Variants in NRG3 observed in about 807,000 individuals in gnomAD.
NRG3 encodes neuregulin 3, also known as pro-neuregulin-3, membrane-bound isoform.
NRG3 carries 31 observed loss-of-function variants against 66.9 expected under a neutral mutation model. The observed-to-expected ratio is 0.46, with a 90% CI of 0.35 to 0.63. NRG3 has a LOEUF of 0.63. NRG3 is among the 20% of genes least tolerant of loss of function. NRG3 has a pLI of 0.00. For synonymous variants in NRG3, 393 were observed against 359.4 expected, an observed-to-expected ratio of 1.09 and a Z score of -1.06; for missense variants, 910 against 878.9, an observed-to-expected ratio of 1.04 and a Z score of -0.45.
rs78558871 is a variant in NRG3 at position 82,313,794 on chromosome 10, G to T, written c.824-44945G>T. ...CCACATCCATTTTATCCTCTCTGGC[G>T]ATTGAAGGCTTGGGGGAAAACAGAA... On this transcript the variant is annotated intron_variant, in intron 1 of 8. Coordinates refer to ENST00000372141, the MANE Select transcript of NRG3 (RefSeq NM_001010848.4). 3.0e-3 allele frequency among the ~76,000 whole-genome samples: 459 copies of T among 152,256 alleles called. 5 individuals carry two copies. Among genetic ancestry groups the T allele is most frequent in the African/African-American group, 0.01 (431 of 41,542 alleles).
At chr10:81,952,252 A>G (rs562377088) in intron 1 of NRG3, among the ~76,000 whole-genome samples, 30 of 152,150 alleles carry the variant, frequency 2.0e-4, no homozygotes, top group Non-Finnish European at 2.8e-4. Flanking sequence ...AATAATAAAG[A>G]GTCATGCCAC....
chr10:82,352,062 A>G (rs2083467812), intron 1 of NRG3, among the ~76,000 whole-genome samples: 1 of 152,166 alleles, frequency 6.6e-6, no homozygotes, highest in Non-Finnish European at 1.5e-5. Flanking sequence ...TATATTGAAA[A>G]TCTCATCTAC....
At chr10:82,281,163 T>G (rs568647496) in intron 1 of NRG3, among the ~76,000 whole-genome samples, 2 of 152,282 alleles carry the variant, frequency 1.3e-5, no homozygotes, top group Admixed American at 1.3e-4. Context: ...GAATAGATCA[T>G]ATGGCTTATT....
chr10:82,025,511 G>T (rs1426656600), intron 1 of NRG3, among the ~76,000 whole-genome samples: 2 of 151,866 alleles, frequency 1.3e-5, no homozygotes, highest in African/African-American at 4.8e-5. Flanking sequence ...ATAGAGAAAT[G>T]CTGGTCAAAG....
At chr10:82,959,246 A>G (rs1034101110) in intron 6 of NRG3, among the ~76,000 whole-genome samples, 171 bp downstream of exon 6, 1 of 152,314 alleles carries the variant, frequency 6.6e-6, no homozygotes, top group Middle Eastern at 3.4e-3. Context: ...GCATGTATGT[A>G]TGCATCAGAT....
intron 1 of NRG3, among the ~76,000 whole-genome samples, chr10:82,158,453 G>A (rs77750045): frequency 0.031 from 4,725 of 151,786 alleles, 115 homozygotes; most frequent in South Asian, 0.074. Context: ...CTGTGTCTCC[G>A]TATGTGTTGT....
At position 82,942,996 on chromosome 10, in the gene NRG3, A is replaced by T. The variant is rs540061084; in HGVS notation, c.1055-8473A>T. Among the ~76,000 whole-genome samples, 162 of 152,246 alleles carry T rather than the reference A, an allele frequency of 1.1e-3. 1 individual carries two copies. The highest frequency in any genetic ancestry group is 3.7e-3 in the African/African-American group (154 of 41,556). ...GTTAAAAAAAAAAGACATAAAAATAAATTCCTTAAATACCAGTTTCTGGAC... is the reference window on the plus strand; with the variant it reads ...GTTAAAAAAAAAAGACATAAAAATATATTCCTTAAATACCAGTTTCTGGAC... On this transcript the variant is annotated intron_variant, in intron 4 of 8. Coordinates refer to ENST00000372141, the MANE Select transcript of NRG3 (RefSeq NM_001010848.4).
intron 7 of NRG3, among the ~76,000 whole-genome samples, chr10:82,977,067 A>G (rs994322307): frequency 2.6e-5 from 4 of 152,134 alleles, no homozygotes; most frequent in Non-Finnish European, 5.9e-5. Flanking sequence ...TGACTGGTAC[A>G]AGTACCTCCA....
intron 1 of NRG3, among the ~76,000 whole-genome samples, chr10:82,061,611 G>C (rs10786849): frequency 0.22 from 33,538 of 151,952 alleles, 4,123 homozygotes; most frequent in East Asian, 0.42. Flanking sequence ...CTTTCTACCA[G>C]TTTCCTTTTA....
At chr10:82,426,700 C>A (rs764687713) in intron 2 of NRG3, among the ~76,000 whole-genome samples, 1 of 151,008 alleles carries the variant, frequency 6.6e-6, no homozygotes, top group Non-Finnish European at 1.5e-5. Flanking sequence ...TGGATGTGAT[C>A]TTGGCCCACT....
intron 2 of NRG3, among the ~76,000 whole-genome samples, chr10:82,443,116 C>A (rs1404371208): frequency 2.0e-5 from 3 of 152,022 alleles, no homozygotes; most frequent in Admixed American, 6.6e-5. Context: ...TCTTCAACAG[C>A]ATATTTGTAG....
At chr10:81,908,872 A>G (rs959864222) in intron 1 of NRG3, among the ~76,000 whole-genome samples, 4 of 152,176 alleles carry the variant, frequency 2.6e-5, no homozygotes, top group Admixed American at 2.6e-4. Flanking sequence ...CTGTTTTACC[A>G]GTAAAGATGA....
At chr10:82,865,302 C>A in intron 3 of NRG3, 109 bp from the exon 4 acceptor site, 1 of 1,060,204 alleles carries the variant, frequency 9.4e-7, no homozygotes, top group Non-Finnish European at 1.4e-6. Flanking sequence ...TGAGGCTGTG[C>A]CTTGCCTTGG....
chr10:82,872,955 A>G (rs1261202035), intron 4 of NRG3, among the ~76,000 whole-genome samples: 1 of 152,098 alleles, frequency 6.6e-6, no homozygotes, highest in East Asian at 1.9e-4. Context: ...CCACTTTAGG[A>G]CCGGAAAGAG....
chr10:82,150,351 C>T lies in NRG3; in HGVS notation c.824-208388C>T, dbSNP rs546901332. Among the ~76,000 whole-genome samples, 5 of 150,550 alleles carry T rather than the reference C, an allele frequency of 3.3e-5. No individual in the cohort carries two copies. The South Asian group carries it at 1.1e-3, about 32-fold the overall frequency. The stretch of plus-strand genomic sequence containing the variant: ...TGATAGGAGACAGCTTCTACCCAGC[C>T]CACCCCTTTGGTGGCTACACCAGCT... On this transcript the variant is annotated intron_variant, in intron 1 of 8. Transcript: ENST00000372141.
At chr10:82,853,060 T>C (rs929955810) in intron 3 of NRG3, among the ~76,000 whole-genome samples, 1 of 152,168 alleles carries the variant, frequency 6.6e-6, no homozygotes, top group Non-Finnish European at 1.5e-5. Context: ...AGGCAGGATT[T>C]TACCTTCCTC....
intron 3 of NRG3, among the ~76,000 whole-genome samples, chr10:82,810,513 A>C (rs559003103): frequency 1.2e-4 from 18 of 152,276 alleles, no homozygotes; most frequent in African/African-American, 3.8e-4. Context: ...CTGTAATCCC[A>C]GCACTTTGGG....
At chr10:82,163,108 T>C (rs1395735399) in intron 1 of NRG3, among the ~76,000 whole-genome samples, 2 of 152,126 alleles carry the variant, frequency 1.3e-5, no homozygotes, top group Non-Finnish European at 2.9e-5. Flanking sequence ...TCCCTGGTTT[T>C]TATTGGCCTC....
chr10:82,175,694 A>C (rs1293823665), intron 1 of NRG3, among the ~76,000 whole-genome samples: 1 of 152,158 alleles, frequency 6.6e-6, no homozygotes, highest in Non-Finnish European at 1.5e-5. Flanking sequence ...CCCTAATTGG[A>C]CTGTAAGTCC....
Sources: gnomAD v4.1 joint callset for allele counts (sites outside exome capture counted in the v4.1 genomes callset) on GRCh38, gnomAD v4.1.1 for gene constraint, MANE v1.5 for transcripts, NCBI Gene and HGNC (gene_info 2026-07-23, HGNC 2026-07-21) for gene names.